Variants in MDN1 observed in about 807,000 individuals in gnomAD.
The protein encoded by MDN1 is midasin.
In MDN1, 266 loss-of-function variants were observed where a neutral mutation model predicts 669.2. The ratio of observed to expected loss-of-function variants is 0.40; its 90% confidence interval spans 0.36 to 0.44. The LOEUF (loss-of-function observed/expected upper bound fraction) is 0.44. Ranked by LOEUF, MDN1 falls within the 20% of genes least tolerant of loss-of-function variation. MDN1 has a pLI of 1.00. For synonymous variants in MDN1, 2,385 were observed against 2,457.1 expected (o/e 0.97, Z 0.87); for missense variants, 5,940 against 6,754.0 (o/e 0.88, Z 4.22).
chr6:89,658,520 GA>G, intron 89 of MDN1, 89 bp downstream of exon 89: 1 of 1,522,478 alleles, frequency 6.6e-7, no homozygotes, highest in Non-Finnish European at 8.9e-7. Flanking sequence ...GTTGATGGAG[GA>G]GTATCCTAAA....
At chr6:89,665,527 T>G (rs1810130738) in intron 84 of MDN1, among the ~76,000 whole-genome samples, 1 of 146,680 alleles carries the variant, frequency 6.8e-6, no homozygotes, top group South Asian at 2.2e-4. Context: ...GCCAAGATGG[T>G]GAAACACCGT....
chr6:89,644,021 G>A lies in MDN1; in HGVS notation c.16775C>T (p.Ala5592Val). Residue 5592 changes from alanine to valine, a missense_variant, in exon 102 of 102, where the codon GCC (alanine) becomes GTC (valine). Physicochemically the swap from Ala to Val is moderately conservative, Grantham distance 64 (BLOSUM62 0). This residue lies in a region of MDN1 where 2,280 missense variants were observed against 2,576.3 expected (regional missense o/e 0.88). Coordinates refer to ENST00000369393, the MANE Select transcript of MDN1 (RefSeq NM_014611.3). ...ALRQWFELVTASDHP is the reference protein window; with the variant it reads ...ALRQWFELVTVSDHP ...CTTTCTGTTCTATGGGTGGTCAGAG[G>A]CTGTCACCAACTCAAACCACTGTCT... 6.2e-7 allele frequency: 1 copy of A among 1,611,706 alleles called. No homozygotes were observed. The highest frequency in any genetic ancestry group is 8.5e-7 in the Non-Finnish European group (1 of 1,178,798).
chr6:89,709,868 TTC>T (rs1427617327), intron 50 of MDN1, among the ~76,000 whole-genome samples: 1 of 152,192 alleles, frequency 6.6e-6, no homozygotes. Context: ...AGATGTCTAT[TTC>T]TGTTATCACT....
intron 55 of MDN1, among the ~76,000 whole-genome samples, chr6:89,701,179 A>C (rs1048131125): frequency 6.6e-6 from 1 of 152,204 alleles, no homozygotes; most frequent in African/African-American, 2.4e-5. Context: ...ATTCAGGGGG[A>C]AAAATGGATG....
intron 11 of MDN1, among the ~76,000 whole-genome samples, chr6:89,778,939 A>AAT (rs1562209673): frequency 4.2e-5 from 5 of 120,286 alleles, no homozygotes; most frequent in South Asian, 2.7e-4. Context: ...AATAAAAAAA[A>AAT]AGGTATAGGG....
chr6:89,707,389 A>T lies in MDN1; in HGVS notation c.7986T>A (p.Val2662=). ...GATGGAATTCAAAGGACATTCTCAA[A>T]ACACTCTCTCTTAGCTTTTTGCTAC... ...SVGSKKLRES[V]LRMSFEFHQD... Residue 2662 remains valine (V), a synonymous_variant, in exon 52 of 102, where the codon GTT becomes GTA. Transcript: ENST00000369393. 1 of 1,613,492 alleles carries T rather than the reference A, an allele frequency of 6.2e-7. No homozygotes were observed. The highest frequency in any genetic ancestry group is 8.5e-7 in the Non-Finnish European group (1 of 1,179,418).
chr6:89,704,536 C>T (rs1003065125), intron 53 of MDN1, among the ~76,000 whole-genome samples: 5 of 152,176 alleles, frequency 3.3e-5, no homozygotes, highest in African/African-American at 9.7e-5. Flanking sequence ...TACCAGTGCA[C>T]GAGCTATAAA....
intron 15 of MDN1, among the ~76,000 whole-genome samples, chr6:89,771,218 T>C (rs1227547689): frequency 6.6e-6 from 1 of 152,186 alleles, no homozygotes. Context: ...TTCATTGCTA[T>C]ACTAAAAATC....
rs1811765637 is a variant in MDN1 at position 89,683,236 on chromosome 6, A to G, written c.11998T>C (p.Phe4000Leu). ...GCTCCATCTGTTGGCCTGGGCAAAAAGTCAGGCTGTTCTTCCTTGTCACTC... is the reference window on the plus strand; with the variant it reads ...GCTCCATCTGTTGGCCTGGGCAAAAGGTCAGGCTGTTCTTCCTTGTCACTC... ...VESDKEEQPD[F>L]LPRPTDGAAS... The change falls in exon 73 of 102, where the codon TTT becomes CTT. Residue 4000 changes from phenylalanine to leucine, a missense_variant. Around this residue, in one of 5 missense-constraint regions of MDN1, gnomAD observed 2,280 missense variants for 2,576.3 expected, o/e 0.88. Coordinates refer to ENST00000369393, the MANE Select transcript of MDN1 (RefSeq NM_014611.3). 6.2e-7 allele frequency: 1 copy of G among 1,614,182 alleles called. No individual in the cohort carries two copies. Among genetic ancestry groups the G allele is most frequent in the Non-Finnish European group, 8.5e-7 (1 of 1,180,024 alleles).
At position 89,771,551 on chromosome 6, in the gene MDN1, CCA is replaced by C; in HGVS notation, c.2144+8_2144+9del. 1 of 1,607,986 alleles carries C rather than the reference CCA, an allele frequency of 6.2e-7. No individual in the cohort carries two copies. Among genetic ancestry groups the C allele is most frequent in the Non-Finnish European group, 8.5e-7 (1 of 1,176,958 alleles). On this transcript the variant is annotated splice_region_variant and intron_variant, in intron 15 of 101. Coordinates refer to ENST00000369393, the MANE Select transcript of MDN1 (RefSeq NM_014611.3). ...ACAAAAATAAGAAAAAAATTTTAAG[CCA>C]CACTTACCCTCCAAGCAAGTCTGCA... is the stretch of plus-strand genomic sequence containing the variant.
At chr6:89,728,042 C>T (rs1815348660) in intron 36 of MDN1, 87 bp from the exon 37 acceptor site, 15 of 1,453,282 alleles carry the variant, frequency 1.0e-5, no homozygotes, top group Admixed American at 2.1e-5. Flanking sequence ...ATGATAAATA[C>T]TTGGGGCTGG....
chr6:89,682,288 G>C (rs1036440930), intron 73 of MDN1, among the ~76,000 whole-genome samples: 1 of 152,194 alleles, frequency 6.6e-6, no homozygotes, highest in Admixed American at 6.5e-5. Flanking sequence ...CAGATGAAAT[G>C]TTCACAGGTA....
rs760193567 is a variant in MDN1, at chr6:89,696,587, A to G, written c.9169-13T>C. On this transcript the variant is annotated splice_polypyrimidine_tract_variant and intron_variant, in intron 59 of 101. Coordinates refer to ENST00000369393, the MANE Select transcript of MDN1 (RefSeq NM_014611.3). ...GATTGCCGGGGCCCTAAAGGACAAG[A>G]GAAGAGTCAATAACTTTTAGAAATT... is the stretch of plus-strand genomic sequence containing the variant. 1.3e-6 allele frequency: 2 copies of G among 1,594,654 alleles called. No individual in the cohort carries two copies. Among genetic ancestry groups the G allele is most frequent in the Non-Finnish European group, 1.7e-6 (2 of 1,162,598 alleles).
intron 40 of MDN1, among the ~76,000 whole-genome samples, chr6:89,721,620 T>C (rs1283038181): frequency 6.6e-6 from 1 of 152,132 alleles, no homozygotes; most frequent in Non-Finnish European, 1.5e-5. Flanking sequence ...AGCTTACTGC[T>C]TGAAAGGGTC....
intron 14 of MDN1, 31 bp downstream of exon 14, chr6:89,772,542 T>C (rs994995976): frequency 1.2e-6 from 2 of 1,601,470 alleles, no homozygotes; most frequent in South Asian, 1.1e-5. Context: ...GTGAAATATC[T>C]GGGGGCAGAT....
intron 83 of MDN1, among the ~76,000 whole-genome samples, chr6:89,669,737 A>G (rs1810504415): frequency 6.6e-6 from 1 of 152,132 alleles, no homozygotes; most frequent in African/African-American, 2.4e-5. Context: ...TGGTGAGGTT[A>G]AGAGAGACCG....
Position 89,750,402 on chromosome 6 carries a change from T to G in MDN1, c.3358A>C (p.Ile1120Leu), listed in dbSNP as rs768681660. The G allele has an allele frequency of 3.7e-6, 6 of 1,613,846 alleles. No homozygotes were observed. Among genetic ancestry groups the G allele is most frequent in the Non-Finnish European group, 5.1e-6 (6 of 1,179,852 alleles). The change falls in exon 24 of 102, where the codon ATT (isoleucine) becomes CTT (leucine). Residue 1120 changes from isoleucine to leucine, a missense_variant. Transcript: ENST00000369393. ...GAGGAGTCAGACGTGTAACAACCAA[T>G]GTACTCCTGAATATCCGTGTGTTCG... ...NHEHTDIQEYIGCYTSDSSGK... is the reference protein window; with the variant it reads ...NHEHTDIQEYLGCYTSDSSGK...
chr6:89,682,165 C>T (rs1811652906), intron 73 of MDN1, among the ~76,000 whole-genome samples: 1 of 152,242 alleles, frequency 6.6e-6, no homozygotes, highest in African/African-American at 2.4e-5. Context: ...CTGCTATAAA[C>T]CAGCACATCA....
chr6:89,660,999 G>A (rs1004463881), intron 88 of MDN1, among the ~76,000 whole-genome samples: 9 of 152,158 alleles, frequency 5.9e-5, no homozygotes, highest in Admixed American at 5.9e-4. Context: ...GGATTATTTA[G>A]TCTCATTCCT....
Sources: allele counts gnomAD v4.1 joint callset (sites outside exome capture counted in the v4.1 genomes callset), GRCh38; gene constraint gnomAD v4.1.1; regional missense constraint gnomAD v4.1.1; transcripts MANE v1.5; gene names NCBI Gene and HGNC (gene_info 2026-07-23, HGNC 2026-07-21).